PFDN4: variants seen among roughly 807,000 people sequenced by gnomAD.
PFDN4 encodes prefoldin subunit 4.
In PFDN4, 6 loss-of-function variants were observed where a neutral mutation model predicts 17.6. That is an observed-to-expected ratio of 0.34 (90% CI 0.19 to 0.67). The LOEUF is 0.67. Among genes scored for constraint, PFDN4 ranks in the 30% least tolerant of loss-of-function variants. The pLI is 0.68. For synonymous variants in PFDN4, 48 were observed against 51.1 expected, an observed-to-expected ratio of 0.94 and a Z score of 0.26; for missense variants, 119 against 158.4, an observed-to-expected ratio of 0.75 and a Z score of 1.33.
At chr20:54,217,247 C>T (rs191378848) in intron 3 of PFDN4, among the ~76,000 whole-genome samples, 153 of 151,084 alleles carry the variant, frequency 1.0e-3, no homozygotes, top group Admixed American at 3.2e-3. Flanking sequence ...GATGGGATAA[C>T]AGCTGAGGAA....
intron 3 of PFDN4, among the ~76,000 whole-genome samples, 187 bp downstream of exon 3, chr20:54,215,627 T>A (rs2092761564): frequency 6.6e-6 from 1 of 152,232 alleles, no homozygotes; most frequent in Non-Finnish European, 1.5e-5. Flanking sequence ...TATCCCAATT[T>A]AGGGACAAAG....
rs976024747 is a variant in PFDN4, at chr20:54,219,332, G to C, written c.*182G>C. 1 of 479,772 alleles carries C rather than the reference G, an allele frequency of 2.1e-6. No homozygotes were observed. Among genetic ancestry groups the C allele is most frequent in the Non-Finnish European group, 3.6e-6 (1 of 274,956 alleles). 29.7% of individuals were successfully genotyped at this position (479,772 alleles called of 1,614,324 possible). On this transcript the variant is annotated 3_prime_UTR_variant, in exon 4 of 4. Coordinates refer to ENST00000371419, the MANE Select transcript of PFDN4 (RefSeq NM_002623.4). ...TATTTTATATTTTTAAAAGAAGACAGTATTCACCTATGTATTTTGCATAAC... is the reference window on the plus strand; with the variant it reads ...TATTTTATATTTTTAAAAGAAGACACTATTCACCTATGTATTTTGCATAAC...
At chr20:54,218,910 C>G (rs1241342126) in intron 3 of PFDN4, 109 bp from the exon 4 acceptor site, 4 of 673,182 alleles carry the variant, frequency 5.9e-6, no homozygotes, top group Non-Finnish European at 9.8e-6. Context: ...GCTGCCTGTC[C>G]AAGTTTAGAA....
At position 54,218,887 on chromosome 20, in the gene PFDN4, T is replaced by C; in HGVS notation, c.274-132T>C. 5.4e-6 allele frequency: 3 copies of C among 554,308 alleles called. No individual in the cohort carries two copies. The South Asian group carries it at 8.3e-5, about 15-fold the overall frequency. The allele number at this position is 554,308 out of a possible 1,614,324, so 34.3% of individuals were successfully genotyped here. ...ACATTCAGACATTTAGATCTAATTA[T>C]CAGTGTTACTTAGCTGCCTGTCCAA... On this transcript the variant is annotated intron_variant, in intron 3 of 3. Coordinates refer to ENST00000371419, the MANE Select transcript of PFDN4 (RefSeq NM_002623.4).
intron 2 of PFDN4, 43 bp downstream of exon 2, chr20:54,214,501 A>C (rs781250569): frequency 1.2e-6 from 1 of 867,920 alleles, no homozygotes; most frequent in South Asian, 1.6e-5. Flanking sequence ...TTTTTATACT[A>C]TAGCTACTAA....
chr20:54,219,041 A>C lies in PFDN4; in HGVS notation c.296A>C (p.Asp99Ala). Residue 99 changes from aspartate (D) to alanine (A), a missense_variant, in exon 4 of 4, where the codon GAC (aspartate) becomes GCC (alanine). Asp to Ala is a moderately radical substitution (Grantham distance 126). Transcript: ENST00000371419. The part of the protein sequence containing the change: ...EAKKNLQEEI[D>A]ALESRVESIQ... ...CAGAAAAATTTGCAAGAAGAAATTG[A>C]CGCCTTAGAATCCAGAGTGGAATCA... 1.3e-6 allele frequency: 2 copies of C among 1,554,170 alleles called. No individual in the cohort carries two copies. Among genetic ancestry groups the C allele is most frequent in the South Asian group, 2.5e-5 (2 of 81,412 alleles).
intron 1 of PFDN4, among the ~76,000 whole-genome samples, chr20:54,211,467 A>T (rs1314645842): frequency 6.6e-6 from 1 of 152,234 alleles, no homozygotes; most frequent in Non-Finnish European, 1.5e-5. Context: ...CTTAGCTATC[A>T]TTTGACTGAC....
intron 3 of PFDN4, among the ~76,000 whole-genome samples, chr20:54,217,690 A>T (rs1354797945): frequency 6.6e-6 from 1 of 152,186 alleles, no homozygotes. Context: ...TTTTTGGAAA[A>T]GAGAGAGATG....
intron 1 of PFDN4, chr20:54,208,979 GGGTTTTTA>G (rs2092752184): frequency 6.6e-6 from 1 of 152,136 alleles, no homozygotes; most frequent in Non-Finnish European, 1.5e-5. Flanking sequence ...CTTCCATGTG[GGGTTTTTA>G]ATCCCGTGAG....
At chr20:54,218,498 C>T (rs1338730868) in intron 3 of PFDN4, among the ~76,000 whole-genome samples, 1 of 152,124 alleles carries the variant, frequency 6.6e-6, no homozygotes, top group Admixed American at 6.5e-5. Flanking sequence ...GGCAAAGCTG[C>T]TCTTTCTTAC....
At chr20:54,208,267 C>A in intron 1 of PFDN4, 143 bp downstream of exon 1, 1 of 707,128 alleles carries the variant, frequency 1.4e-6, no homozygotes, top group Non-Finnish European at 2.1e-6. Context: ...AGAGCGGTCC[C>A]GCGGCAAGGC....
intron 1 of PFDN4, among the ~76,000 whole-genome samples, chr20:54,209,332 C>A (rs1481631239): frequency 6.6e-6 from 1 of 152,148 alleles, no homozygotes; most frequent in Admixed American, 6.5e-5. Context: ...ATTAGAACTT[C>A]TTTGCTTTGC....
At chr20:54,218,563 G>A (rs773582894) in intron 3 of PFDN4, among the ~76,000 whole-genome samples, 2 of 152,136 alleles carry the variant, frequency 1.3e-5, no homozygotes, top group East Asian at 3.8e-4. Context: ...AGGCCTCAAA[G>A]TTAGTGAAAA....
Position 54,219,340 on chromosome 20 carries a change from CT to C in PFDN4, c.*191del. The C allele has an allele frequency of 2.2e-6, 1 of 451,420 alleles. No individual in the cohort carries two copies. The highest frequency in any genetic ancestry group is 3.9e-6 in the Non-Finnish European group (1 of 258,974). The allele number at this position is 451,420 out of a possible 1,614,324, so 28.0% of individuals were successfully genotyped here. A position where few individuals can be genotyped will look rare whatever the true frequency, so the allele number is the denominator to read the frequency against. The stretch of plus-strand genomic sequence containing the variant: ...ATTTTTAAAAGAAGACAGTATTCAC[CT>C]ATGTATTTTGCATAACGATTATATC... On this transcript the variant is annotated 3_prime_UTR_variant, in exon 4 of 4. Coordinates refer to ENST00000371419, the MANE Select transcript of PFDN4 (RefSeq NM_002623.4).
At chr20:54,218,176 CT>C (rs11365330) in intron 3 of PFDN4, among the ~76,000 whole-genome samples, 60,702 of 129,076 alleles carry the variant, frequency 0.47, 13,907 homozygotes, top group African/African-American at 0.67. Flanking sequence ...AACTTAATGG[CT>C]TTTTTTTTTT....
At chr20:54,208,397 C>T (rs2092751008) in intron 1 of PFDN4, 1 of 413,366 alleles carries the variant, frequency 2.4e-6, no homozygotes, top group East Asian at 4.1e-5. Flanking sequence ...GCCGAGGGTG[C>T]CCCCGGGGAG....
intron 1 of PFDN4, among the ~76,000 whole-genome samples, chr20:54,209,586 A>C (rs1385456305): frequency 6.6e-6 from 1 of 152,216 alleles, no homozygotes; most frequent in Non-Finnish European, 1.5e-5. Flanking sequence ...AGTTTGTTAA[A>C]TTGGGCCCTC....
At chr20:54,217,346 T>C (rs1419781284) in intron 3 of PFDN4, among the ~76,000 whole-genome samples, 3 of 152,138 alleles carry the variant, frequency 2.0e-5, no homozygotes, top group African/African-American at 7.2e-5. Context: ...AGGATGACGG[T>C]GGTGCAAACA....
At chr20:54,210,495 C>T (rs1285809182) in intron 1 of PFDN4, among the ~76,000 whole-genome samples, 1 of 152,158 alleles carries the variant, frequency 6.6e-6, no homozygotes, top group Non-Finnish European at 1.5e-5. Flanking sequence ...TGTAACACAT[C>T]GTATCTCTCA....
Sources: gnomAD v4.1 joint callset for allele counts (sites outside exome capture counted in the v4.1 genomes callset) on GRCh38, gnomAD v4.1.1 for gene constraint, MANE v1.5 for transcripts, NCBI Gene and HGNC (gene_info 2026-07-23, HGNC 2026-07-21) for gene names.